Variants in ABCC3 observed in about 807,000 individuals in gnomAD.
ABCC3 encodes the protein ATP binding cassette subfamily C member 3.
ABCC3 carries 121 observed loss-of-function variants against 165.3 expected under a neutral mutation model. The ratio of observed to expected loss-of-function variants is 0.73; its 90% CI spans 0.63 to 0.85. The LOEUF is 0.85. ABCC3 is among the 40% of genes least tolerant of loss of function. The pLI, the probability that ABCC3 is intolerant of heterozygous loss-of-function variation, is 0.00. For missense variants in ABCC3, 1,869 were observed against 1,964.1 expected, an observed-to-expected ratio of 0.95 and a Z score of 0.92; for synonymous variants, 733 against 810.1, an observed-to-expected ratio of 0.90 and a Z score of 1.62.
chr17:50,665,991 C>A (rs1013653973), intron 11 of ABCC3, among the ~76,000 whole-genome samples: 1 of 152,036 alleles, frequency 6.6e-6, no homozygotes, highest in African/African-American at 2.4e-5. Context: ...TTCTGCTTAC[C>A]TTGCAAGTCC....
At chr17:50,647,985 G>A (rs185251477) in intron 1 of ABCC3, among the ~76,000 whole-genome samples, 191 of 152,168 alleles carry the variant, frequency 1.3e-3, no homozygotes, top group Admixed American at 2.7e-3. Context: ...GTTGCTGTGA[G>A]CTGAGATCAC....
chr17:50,657,306 GT>G (rs1463026310), intron 4 of ABCC3, 123 bp downstream of exon 4: 1 of 1,314,844 alleles, frequency 7.6e-7, no homozygotes, highest in African/African-American at 1.5e-5. Flanking sequence ...ACACAATTGT[GT>G]TGTTCTCCAC....
chr17:50,677,186 T>A (rs1967838849), intron 23 of ABCC3, among the ~76,000 whole-genome samples: 1 of 152,264 alleles, frequency 6.6e-6, no homozygotes, highest in Non-Finnish European at 1.5e-5. Context: ...CCGGCCTTCC[T>A]GTTGGCTGTT....
chr17:50,677,993 G>C lies in ABCC3; in HGVS notation c.3578+50G>C, dbSNP rs764719519. ...CTGCTCCTCCAGGAATTCCCAGCAG[G>C]CTCTCTGGTGTTCAGGGTCCTTGTC... On this transcript the variant is annotated intron_variant, in intron 24 of 30. Transcript: ENST00000285238. The C allele has an allele frequency of 4.3e-6, 7 of 1,613,978 alleles. No homozygotes were observed. In the South Asian group the frequency reaches 7.7e-5, roughly 18 times the overall value.
At chr17:50,666,189 C>T (rs1187994850) in intron 11 of ABCC3, among the ~76,000 whole-genome samples, 3 of 152,082 alleles carry the variant, frequency 2.0e-5, no homozygotes, top group Non-Finnish European at 2.9e-5. Flanking sequence ...GTCACTTCCT[C>T]GGCTGGGCAC....
At chr17:50,683,350 TAAA>T (rs1202475371) in intron 26 of ABCC3, among the ~76,000 whole-genome samples, 3 of 111,518 alleles carry the variant, frequency 2.7e-5, no homozygotes. Context: ...TCTCAAAAAT[TAAA>T]AAAAAAAAAA....
At position 50,661,119 on chromosome 17, in the gene ABCC3, C is replaced by T; in HGVS notation, c.998+5C>T. On this transcript the variant is annotated splice_donor_5th_base_variant and intron_variant, in intron 8 of 30. Coordinates refer to ENST00000285238, the MANE Select transcript of ABCC3 (RefSeq NM_003786.4). Reference sequence around the variant, plus strand: ...CATCAATCCACAGCTGCTCAGGTCTCTCCACACTCCGGCTCACTATAGCCC... The same window carrying T: ...CATCAATCCACAGCTGCTCAGGTCTTTCCACACTCCGGCTCACTATAGCCC... 1 of 1,608,888 alleles carries T rather than the reference C, an allele frequency of 6.2e-7. No homozygotes were observed. The highest frequency in any genetic ancestry group is 8.5e-7 in the Non-Finnish European group (1 of 1,176,520).
intron 1 of ABCC3, among the ~76,000 whole-genome samples, chr17:50,653,040 C>A (rs1967141236): frequency 6.6e-6 from 1 of 152,146 alleles, no homozygotes; most frequent in South Asian, 2.1e-4. Flanking sequence ...CTTCTGACAC[C>A]AATCTGTTAA....
In ABCC3 at chr17:50,683,661, G is replaced by C; in HGVS notation, c.3859G>C (p.Gly1287Arg). The C allele has an allele frequency of 6.2e-7, 1 of 1,603,152 alleles. No individual in the cohort carries two copies. The highest frequency in any genetic ancestry group is 8.5e-7 in the Non-Finnish European group (1 of 1,174,608). ...CCCTCCCGAAGGTTGGCCCCCACGT[G>C]GGGAGGTGGAGTTCCGGAATTATTC... Reference protein sequence around the residue: ...SRPPEGWPPRGEVEFRNYSVR... With the variant: ...SRPPEGWPPRREVEFRNYSVR... Residue 1287 changes from glycine to arginine, a missense_variant, in exon 27 of 31, where the codon GGG becomes CGG. Coordinates refer to ENST00000285238, the MANE Select transcript of ABCC3 (RefSeq NM_003786.4).
intron 8 of ABCC3, among the ~76,000 whole-genome samples, chr17:50,662,423 G>A (rs1015225469): frequency 3.9e-5 from 6 of 152,194 alleles, no homozygotes; most frequent in Non-Finnish European, 8.8e-5. Context: ...AAACTCTCGA[G>A]CCCAAGAGTT....
At chr17:50,664,255 C>A in intron 10 of ABCC3, 144 bp downstream of exon 10, 2 of 1,163,834 alleles carry the variant, frequency 1.7e-6, no homozygotes, top group Non-Finnish European at 2.4e-6. Flanking sequence ...CACTTGAGCC[C>A]AAGAGTTCTG....
At position 50,677,804 on chromosome 17, in the gene ABCC3, A is replaced by G. The variant is rs763250253; in HGVS notation, c.3439A>G (p.Ile1147Val). The G allele has an allele frequency of 9.9e-6, 16 of 1,613,942 alleles. No homozygotes were observed. In the African/African-American group the frequency reaches 1.7e-4, roughly 18 times the overall value. ...GCTGGAATCAGTCAGCCGCTCACCT[A>G]TCTACTCCCACTTTTCGGAGACAGT... is the stretch of plus-strand genomic sequence containing the variant. ...KRLESVSRSPIYSHFSETVTG... is the reference protein window; with the variant it reads ...KRLESVSRSPVYSHFSETVTG... Residue 1147 changes from isoleucine to valine, a missense_variant, in exon 24 of 31, where the codon ATC becomes GTC. Ile to Val is a conservative substitution (Grantham distance 29). Transcript: ENST00000285238.
chr17:50,686,466 C>G (rs2146645996), intron 29 of ABCC3, among the ~76,000 whole-genome samples: 1 of 152,230 alleles, frequency 6.6e-6, no homozygotes, highest in South Asian at 2.1e-4. Flanking sequence ...TCCCTTGCCA[C>G]CCACGCAGCC....
chr17:50,684,699 G>A lies in ABCC3; in HGVS notation c.4114-10G>A. The A allele has an allele frequency of 6.2e-7, 1 of 1,612,210 alleles. No homozygotes were observed. On this transcript the variant is annotated splice_polypyrimidine_tract_variant and intron_variant, in intron 28 of 30. Coordinates refer to ENST00000285238, the MANE Select transcript of ABCC3 (RefSeq NM_003786.4). Reference sequence around the variant, plus strand: ...AGCTGCCTCCCTCTGAGGCCACGTTGTATCCCCAGGACCCCATCCTGTTCT... The same window carrying A: ...AGCTGCCTCCCTCTGAGGCCACGTTATATCCCCAGGACCCCATCCTGTTCT...
At position 50,678,162 on chromosome 17, in the gene ABCC3, C is replaced by T. The variant is rs768901479; in HGVS notation, c.3648C>T (p.Ile1216=). The T allele has an allele frequency of 3.2e-5, 50 of 1,552,024 alleles. No homozygotes were observed. Among genetic ancestry groups the T allele is most frequent in the South Asian group, 1.1e-4 (9 of 79,356 alleles). Residue 1216 remains isoleucine, a synonymous_variant, in exon 25 of 31, where the codon ATC becomes ATT. Transcript: ENST00000285238. ...TCTTTGCTGCACTATTTGCCGTCAT[C>T]GGGAGGAGCAGCCTGAACCCGGGGC... The part of the protein sequence containing the change: ...VVLFAALFAV[I]GRSSLNPGLV...
In ABCC3 at chr17:50,657,108, C is replaced by T. The variant is rs1190029686; in HGVS notation, c.411C>T (p.Leu137=). ...AGGGCGTACAGTCTTCGGGGGTCCT[C>T]ATTATCTTCTGGTTCCTGTGTGTGG... ...RLQGVQSSGV[L]IIFWFLCVVC... The change falls in exon 4 of 31, where the codon CTC becomes CTT. Residue 137 remains leucine (L), a synonymous_variant. Coordinates refer to ENST00000285238, the MANE Select transcript of ABCC3 (RefSeq NM_003786.4). 2.5e-6 allele frequency: 4 copies of T among 1,614,198 alleles called. No homozygotes were observed. The highest frequency in any genetic ancestry group is 3.4e-6 in the Non-Finnish European group (4 of 1,180,040).
intron 2 of ABCC3, 86 bp from the exon 3 acceptor site, chr17:50,656,616 G>C: frequency 6.6e-7 from 1 of 1,517,010 alleles, no homozygotes; most frequent in Non-Finnish European, 8.8e-7. Flanking sequence ...AGTGGATTCT[G>C]GTGGCTTCAG....
chr17:50,651,641 C>T (rs1427172266), intron 1 of ABCC3, among the ~76,000 whole-genome samples: 1 of 152,184 alleles, frequency 6.6e-6, no homozygotes, highest in Non-Finnish European at 1.5e-5. Flanking sequence ...GGGAGGATTG[C>T]TTGAGCCCAG....
At chr17:50,636,339 T>C (rs1279097297) in intron 1 of ABCC3, among the ~76,000 whole-genome samples, 1 of 152,036 alleles carries the variant, frequency 6.6e-6, no homozygotes, top group East Asian at 1.9e-4. Flanking sequence ...AGGCGTTATA[T>C]GGATTTTTTG....
Sources: allele counts gnomAD v4.1 joint callset (sites outside exome capture counted in the v4.1 genomes callset), GRCh38; gene constraint gnomAD v4.1.1; transcripts MANE v1.5; gene names NCBI Gene and HGNC (gene_info 2026-07-23, HGNC 2026-07-21).